LAPTM5: variants seen among roughly 807,000 people sequenced by gnomAD.
The protein encoded by LAPTM5 is lysosomal-associated transmembrane protein 5.
In LAPTM5, 11 loss-of-function variants were observed where a neutral mutation model predicts 30.1. That is an observed-to-expected ratio of 0.37 (90% CI 0.23 to 0.60). The LOEUF is 0.60. Ranked by LOEUF, LAPTM5 falls within the 20% of genes least tolerant of loss-of-function variation. LAPTM5 has a pLI of 0.71. For synonymous variants in LAPTM5, 151 were observed against 137.9 expected (o/e 1.10, Z -0.67); for missense variants, 324 against 332.5 (o/e 0.97, Z 0.20).
At chr1:30,742,342 C>G in intron 2 of LAPTM5, 114 bp downstream of exon 2, 4 of 701,198 alleles carry the variant, frequency 5.7e-6, no homozygotes, top group South Asian at 3.3e-5. Context: ...TGCCAGAGGT[C>G]ATCCATCGTC....
At chr1:30,738,754 C>T (rs893972657) in intron 5 of LAPTM5, among the ~76,000 whole-genome samples, 186 bp downstream of exon 5, 2 of 152,186 alleles carry the variant, frequency 1.3e-5, no homozygotes, top group Admixed American at 6.5e-5. Flanking sequence ...CTCGAACCTG[C>T]CTTCCTCACT....
chr1:30,738,836 A>T, intron 5 of LAPTM5, 104 bp downstream of exon 5: 1 of 1,282,644 alleles, frequency 7.8e-7, no homozygotes, highest in Non-Finnish European at 1.1e-6. Flanking sequence ...CCAAGCTCCA[A>T]CTCCAGGGAA....
rs1371596004 is a variant in LAPTM5, at chr1:30,746,904, G to T, written c.88-4355C>A. The stretch of plus-strand genomic sequence containing the variant: ...GTGCACCATAAACAAGCACAATTGG[G>T]TGGTGGTTTTTGCTACCTCTGGGCA... On this transcript the variant is annotated intron_variant, in intron 1 of 7. Coordinates refer to ENST00000294507, the MANE Select transcript of LAPTM5 (RefSeq NM_006762.3). This position sits in a 1 kb window ranked among gnomAD's most constrained non-coding sequence, Gnocchi z 4.0. Among the ~76,000 whole-genome samples the T allele has an allele frequency of 1.3e-5, 2 of 152,186 alleles. No individual in the cohort carries two copies. The highest frequency in any genetic ancestry group is 2.9e-5 in the Non-Finnish European group (2 of 68,040).
At chr1:30,749,866 C>T (rs570261150) in intron 1 of LAPTM5, among the ~76,000 whole-genome samples, 2 of 152,234 alleles carry the variant, frequency 1.3e-5, no homozygotes, top group East Asian at 3.9e-4. Flanking sequence ...ACGCAGCAGG[C>T]CTCAGTAAAT....
At chr1:30,735,376 C>T in intron 6 of LAPTM5, 111 bp from the exon 7 acceptor site, 1 of 835,852 alleles carries the variant, frequency 1.2e-6, no homozygotes, top group East Asian at 2.4e-5. Flanking sequence ...AAGCCAGCAT[C>T]CAGCTGCTCC....
Position 30,742,766 on chromosome 1 carries a change from C to T in LAPTM5, c.88-217G>A, listed in dbSNP as rs1275989107. Among the ~76,000 whole-genome samples the T allele has an allele frequency of 2.6e-5, 4 of 152,282 alleles. No individual in the cohort carries two copies. In the South Asian group the frequency reaches 8.3e-4, roughly 32 times the overall value. On this transcript the variant is annotated intron_variant, in intron 1 of 7. Transcript: ENST00000294507. ...GTCTTCCTCTCTCCAGCTATGTGAC[C>T]CTGGGCAAGCTACTTGACTTCTATG... is the stretch of plus-strand genomic sequence containing the variant.
chr1:30,743,650 C>G (rs375749949), intron 1 of LAPTM5, among the ~76,000 whole-genome samples: 1 of 152,188 alleles, frequency 6.6e-6, no homozygotes, highest in East Asian at 1.9e-4. Flanking sequence ...GAAAACTGTC[C>G]CCTCCCCTCT....
intron 6 of LAPTM5, among the ~76,000 whole-genome samples, chr1:30,736,954 G>A (rs1183352907): frequency 6.6e-6 from 1 of 152,122 alleles, no homozygotes; most frequent in African/African-American, 2.4e-5. Flanking sequence ...TATTTTCCAT[G>A]CTGAATAAAC....
chr1:30,737,896 A>G (rs900175803), intron 5 of LAPTM5, among the ~76,000 whole-genome samples, 197 bp from the exon 6 acceptor site: 10 of 152,188 alleles, frequency 6.6e-5, no homozygotes, highest in Admixed American at 6.5e-4. Flanking sequence ...CGGGCAAACC[A>G]AGAAAAGCCA....
intron 1 of LAPTM5, among the ~76,000 whole-genome samples, chr1:30,747,216 C>T (rs1194142920): frequency 6.6e-6 from 1 of 152,118 alleles, no homozygotes; most frequent in Non-Finnish European, 1.5e-5. Context: ...GAAAGCATTC[C>T]AAAAGAGCAG....
intron 1 of LAPTM5, among the ~76,000 whole-genome samples, chr1:30,745,228 C>A (rs766042472): frequency 6.6e-6 from 1 of 152,188 alleles, no homozygotes; most frequent in African/African-American, 2.4e-5. Context: ...ATTTCACAGA[C>A]GAAGAAAGTG....
rs185326524 is a variant in LAPTM5 at position 30,746,703 on chromosome 1, G to A, written c.88-4154C>T. Among the ~76,000 whole-genome samples, 196 of 152,236 alleles carry A rather than the reference G, an allele frequency of 1.3e-3. 4 individuals carry two copies. The East Asian group carries it at 0.028, about 22-fold the overall frequency. ...GGTGAGATCATGAAGATAAGAGCTCGGGTGCTGGGGTCAGATGGCCCCAGG... is the reference window on the plus strand; with the variant it reads ...GGTGAGATCATGAAGATAAGAGCTCAGGTGCTGGGGTCAGATGGCCCCAGG... On this transcript the variant is annotated intron_variant, in intron 1 of 7. Transcript: ENST00000294507. This position sits in a 1 kb window ranked among gnomAD's most constrained non-coding sequence, Gnocchi z 4.0.
At chr1:30,743,187 C>A (rs1639995329) in intron 1 of LAPTM5, among the ~76,000 whole-genome samples, 1 of 152,216 alleles carries the variant, frequency 6.6e-6, no homozygotes, top group Non-Finnish European at 1.5e-5. Flanking sequence ...AAGTACCTGG[C>A]AGATAGTAAG....
Position 30,749,608 on chromosome 1 carries a change from C to T in LAPTM5, c.88-7059G>A, listed in dbSNP as rs565851256. On this transcript the variant is annotated intron_variant, in intron 1 of 7. Transcript: ENST00000294507. The stretch of plus-strand genomic sequence containing the variant: ...AAACGAGCATCCAGGCCAGAGGGCA[C>T]GACTCCCAGGGACCCAGCACACAGG... Among the ~76,000 whole-genome samples, 10 of 152,226 alleles carry T rather than the reference C, an allele frequency of 6.6e-5. No individual in the cohort carries two copies. The South Asian group carries it at 1.0e-3, about 16-fold the overall frequency.
chr1:30,739,958 C>G lies in LAPTM5; in HGVS notation c.259-21G>C, dbSNP rs113304071. 8.0e-5 allele frequency: 124 copies of G among 1,549,626 alleles called. No homozygotes were observed. The African/African-American group carries it at 1.4e-3, about 18-fold the overall frequency. ...CGGTTCTGAAAGGTAGGCCCAGCAC[C>G]GTCAAGTGTCCCCTGCATGCAGCCA... On this transcript the variant is annotated intron_variant, in intron 3 of 7. Transcript: ENST00000294507. This position sits in a 1 kb window ranked among gnomAD's most constrained non-coding sequence, Gnocchi z 4.2.
Position 30,746,700 on chromosome 1 carries a change from C to T in LAPTM5, c.88-4151G>A, listed in dbSNP as rs539910693. On this transcript the variant is annotated intron_variant, in intron 1 of 7. Coordinates refer to ENST00000294507, the MANE Select transcript of LAPTM5 (RefSeq NM_006762.3). The surrounding 1 kb of genome is among the most constrained non-coding windows in gnomAD (Gnocchi z 4.0). Reference sequence around the variant, plus strand: ...GCTGGTGAGATCATGAAGATAAGAGCTCGGGTGCTGGGGTCAGATGGCCCC... The same window carrying T: ...GCTGGTGAGATCATGAAGATAAGAGTTCGGGTGCTGGGGTCAGATGGCCCC... Among the ~76,000 whole-genome samples, 1 of 152,342 alleles carries T rather than the reference C, an allele frequency of 6.6e-6. No homozygotes were observed. Among genetic ancestry groups the T allele is most frequent in the East Asian group, 1.9e-4 (1 of 5,184 alleles).
rs1207221287 is a variant in LAPTM5, at chr1:30,735,202, C to T, written c.670G>A (p.Glu224Lys). 1 of 1,613,950 alleles carries T rather than the reference C, an allele frequency of 6.2e-7. No homozygotes were observed. The highest frequency in any genetic ancestry group is 8.5e-7 in the Non-Finnish European group (1 of 1,179,944). ...RLIKCMNSVE[E>K]KRNSKMLQKV... is the part of the protein sequence containing the mutation. ...TGGAGCATCTTGGAGTTTCTCTTCT[C>T]CTCCACCGAGTTCATGCACTTGATC... is the stretch of plus-strand genomic sequence containing the variant. Residue 224 changes from glutamate (E) to lysine (K), a missense_variant, in exon 7 of 8, where the codon GAG (glutamate) becomes AAG (lysine). Glu to Lys is a moderately conservative substitution (Grantham distance 56, BLOSUM62 1). Transcript: ENST00000294507.
At chr1:30,756,817 G>T (rs574952752) in intron 1 of LAPTM5, among the ~76,000 whole-genome samples, 5 of 152,190 alleles carry the variant, frequency 3.3e-5, no homozygotes, top group African/African-American at 1.2e-4. Context: ...GGAGGAAGTC[G>T]CTTGGGTCTA....
chr1:30,740,061 G>A, intron 3 of LAPTM5, 124 bp from the exon 4 acceptor site: 2 of 1,099,548 alleles, frequency 1.8e-6, no homozygotes, highest in Non-Finnish European at 2.5e-6. Context: ...CTCCTCAGTT[G>A]AGGTCACCTC....
Sources: allele counts gnomAD v4.1 joint callset (sites outside exome capture counted in the v4.1 genomes callset), GRCh38; gene constraint gnomAD v4.1.1; non-coding constraint Gnocchi (gnomAD v3.1); transcripts MANE v1.5; gene names NCBI Gene and HGNC (gene_info 2026-07-23, HGNC 2026-07-21).